Variants in SFXN5 observed in about 807,000 individuals in gnomAD.
SFXN5 encodes sideroflexin 5.
Under a neutral mutation model 50.2 loss-of-function variants are expected in SFXN5, and 43 were observed. That is an observed-to-expected ratio of 0.86 (90% CI 0.67 to 1.11). SFXN5 has a LOEUF of 1.11. Among genes scored for constraint, SFXN5 ranks in the 50% least tolerant of loss-of-function variants. The pLI is 0.00. For synonymous variants in SFXN5, 203 were observed against 185.8 expected, an observed-to-expected ratio of 1.09 and a Z score of -0.75; for missense variants, 463 against 454.1, an observed-to-expected ratio of 1.02 and a Z score of -0.18.
intron 2 of SFXN5, among the ~76,000 whole-genome samples, chr2:73,048,634 G>C (rs1680825282): frequency 6.6e-6 from 1 of 152,160 alleles, no homozygotes; most frequent in Non-Finnish European, 1.5e-5. Flanking sequence ...CCAGTATTTA[G>C]GAACTACTAC....
At chr2:73,045,083 G>C (rs1246062136) in intron 2 of SFXN5, among the ~76,000 whole-genome samples, 1 of 152,234 alleles carries the variant, frequency 6.6e-6, no homozygotes, top group South Asian at 2.1e-4. Context: ...GTTCACAGGA[G>C]ATATGGATAA....
chr2:73,052,365 T>TGTGTGTGTATGC (rs1553524673), intron 2 of SFXN5, among the ~76,000 whole-genome samples: 25 of 110,102 alleles, frequency 2.3e-4, no homozygotes, highest in African/African-American at 1.2e-3. Flanking sequence ...TATGCGTGTG[T>TGTGTGTGTATGC]GTGTGTGTGT....
At chr2:73,053,518 T>C (rs968991523) in intron 2 of SFXN5, 1 of 152,428 alleles carries the variant, frequency 6.6e-6, no homozygotes, top group Admixed American at 6.5e-5. Context: ...GAAGCTTTGT[T>C]CAAGGCATTC....
At chr2:73,012,471 G>GA (rs1675627937) in intron 6 of SFXN5, among the ~76,000 whole-genome samples, 1 of 150,844 alleles carries the variant, frequency 6.6e-6, no homozygotes, top group Admixed American at 6.6e-5. Flanking sequence ...AAGATAAAGA[G>GA]AAAAAATATC....
In SFXN5 at chr2:73,058,486, T is replaced by C. The variant is rs770772777; in HGVS notation, c.171+42A>G. 5 of 1,579,208 alleles carry C rather than the reference T, an allele frequency of 3.2e-6. No homozygotes were observed. The East Asian group carries it at 1.1e-4, about 35-fold the overall frequency. ...ACCCACATATTCTGAAATGACAAGG[T>C]ACAAAGGCCCAAGGGCCACTGAGGT... On this transcript the variant is annotated intron_variant, in intron 2 of 13. Transcript: ENST00000272433.
In SFXN5 at chr2:73,050,388, G is replaced by GCGCGCGCGCACACACACACACACACA; in HGVS notation, c.171+8139_171+8140insTGTGTGTGTGTGTGTGTGCGCGCGCG. On this transcript the variant is annotated intron_variant, in intron 2 of 13. Transcript: ENST00000272433. Reference sequence around the variant, plus strand: ...GTGGAGGTAGCGCCGCAGCCACAGCGCACGCACACACACACACACACACAC... The same window carrying GCGCGCGCGCACACACACACACACACA: ...GTGGAGGTAGCGCCGCAGCCACAGCGCGCGCGCGCACACACACACACACACACACGCACACACACACACACACACAC... 1.0e-3 allele frequency among the ~76,000 whole-genome samples: 151 copies of GCGCGCGCGCACACACACACACACACA among 143,912 alleles called. 2 individuals carry two copies. The highest frequency in any genetic ancestry group is 3.6e-3 in the East Asian group (17 of 4,740). The allele number at this position is 143,912 out of a possible 152,430, so 94.4% of individuals were successfully genotyped here.
intron 7 of SFXN5, 65 bp from the exon 8 acceptor site, chr2:73,000,552 C>A: frequency 6.8e-7 from 1 of 1,466,186 alleles, no homozygotes. Flanking sequence ...CAGGCCTGGA[C>A]CCCAGGAGGC....
At chr2:72,952,701 G>A (rs1024185083) in intron 13 of SFXN5, among the ~76,000 whole-genome samples, 6 of 152,160 alleles carry the variant, frequency 3.9e-5, no homozygotes, top group African/African-American at 1.4e-4. Flanking sequence ...TGAGGCCTCA[G>A]TTTCCCCACA....
chr2:72,985,041 C>A (rs995482931), intron 10 of SFXN5, among the ~76,000 whole-genome samples: 1 of 152,124 alleles, frequency 6.6e-6, no homozygotes, highest in African/African-American at 2.4e-5. Flanking sequence ...GGGCACAAGC[C>A]TCTTCAGGAC....
At chr2:73,050,579 C>T (rs1211731491) in intron 2 of SFXN5, among the ~76,000 whole-genome samples, 1 of 152,086 alleles carries the variant, frequency 6.6e-6, no homozygotes, top group Admixed American at 6.5e-5. Context: ...GGCAGTGAGC[C>T]CTGAAGTCCC....
At chr2:72,984,015 C>T (rs909472744) in intron 10 of SFXN5, among the ~76,000 whole-genome samples, 1 of 152,228 alleles carries the variant, frequency 6.6e-6, no homozygotes, top group Non-Finnish European at 1.5e-5. Context: ...TAACGGAGGG[C>T]CCGCTCCGAG....
chr2:73,042,189 C>A (rs1679730011), intron 2 of SFXN5, among the ~76,000 whole-genome samples: 1 of 152,026 alleles, frequency 6.6e-6, no homozygotes, highest in Non-Finnish European at 1.5e-5. Context: ...AGCCTTTGTC[C>A]CCACCAAAAG....
intron 9 of SFXN5, chr2:72,997,586 T>C (rs1484987469): frequency 6.6e-6 from 1 of 151,422 alleles, no homozygotes; most frequent in Non-Finnish European, 1.5e-5. Context: ...TTTTTATTAT[T>C]TATTTATTTT....
chr2:73,058,316 C>T, intron 2 of SFXN5: 1 of 489,940 alleles, frequency 2.0e-6, no homozygotes, highest in Non-Finnish European at 3.7e-6. Context: ...ATGTAAAAAG[C>T]ATACAGCACA....
intron 3 of SFXN5, among the ~76,000 whole-genome samples, chr2:73,036,870 G>T (rs1468956119): frequency 6.6e-6 from 1 of 152,182 alleles, no homozygotes; most frequent in Non-Finnish European, 1.5e-5. Context: ...CCAGAGAGAA[G>T]TCCCATTGCT....
At chr2:72,974,850 AGAG>A (rs1670440078) in intron 10 of SFXN5, among the ~76,000 whole-genome samples, 1 of 90,024 alleles carries the variant, frequency 1.1e-5, no homozygotes, top group Admixed American at 9.3e-5. Flanking sequence ...ATAGAGAGAG[AGAG>A]AGAAAAAAAA....
At chr2:73,068,880 G>A (rs990115596) in intron 1 of SFXN5, among the ~76,000 whole-genome samples, 2 of 151,868 alleles carry the variant, frequency 1.3e-5, no homozygotes, top group African/African-American at 4.8e-5. Context: ...GATGCTTCAT[G>A]GATACACCAG....
intron 6 of SFXN5, among the ~76,000 whole-genome samples, chr2:73,015,705 A>G (rs1318741210): frequency 6.6e-6 from 1 of 152,140 alleles, no homozygotes; most frequent in Non-Finnish European, 1.5e-5. Flanking sequence ...CCCAGTGATA[A>G]TTTTGGGTTT....
intron 10 of SFXN5, among the ~76,000 whole-genome samples, chr2:72,975,042 C>T (rs555219903): frequency 1.3e-5 from 2 of 152,230 alleles, no homozygotes; most frequent in South Asian, 4.1e-4. Flanking sequence ...AAGACTCAGG[C>T]ATAACTGATG....
Sources: gnomAD v4.1 joint callset for allele counts (sites outside exome capture counted in the v4.1 genomes callset) on GRCh38, gnomAD v4.1.1 for gene constraint, MANE v1.5 for transcripts, NCBI Gene and HGNC (gene_info 2026-07-23, HGNC 2026-07-21) for gene names.